Variants in CAST observed in about 807,000 individuals in gnomAD.
The protein encoded by CAST is MIR583 host.
Under a neutral mutation model 119.6 loss-of-function variants are expected in CAST, and 76 were observed. That is an observed-to-expected ratio of 0.64 (90% CI 0.53 to 0.77). The LOEUF (loss-of-function observed/expected upper bound fraction) is 0.77. Ranked by LOEUF, CAST falls within the 30% of genes least tolerant of loss-of-function variation. The pLI is 0.00. For missense variants in CAST, 953 were observed against 946.5 expected, an observed-to-expected ratio of 1.01 and a Z score of -0.09; for synonymous variants, 319 against 331.6, an observed-to-expected ratio of 0.96 and a Z score of 0.41.
At chr5:96,140,789 T>A in the CAST span, among the ~76,000 whole-genome samples, 1 of 152,332 alleles carries the variant, frequency 6.6e-6, no homozygotes, top group East Asian at 1.9e-4. Context: ...ACATAAGGCC[T>A]TTGTTACCTG....
chr5:96,176,994 T>C, the CAST span, among the ~76,000 whole-genome samples: 1 of 152,212 alleles, frequency 6.6e-6, no homozygotes, highest in Non-Finnish European at 1.5e-5. Context: ...AGAATTCAAA[T>C]AACTTTTCAT....
chr5:96,310,218 T>C, the CAST span, among the ~76,000 whole-genome samples: 1 of 152,236 alleles, frequency 6.6e-6, no homozygotes, highest in Non-Finnish European at 1.5e-5. Flanking sequence ...ATTCTGTTAA[T>C]GTAGTCTATC....
At chr5:96,034,456 A>G in the CAST span, among the ~76,000 whole-genome samples, 137 of 67,504 alleles carry the variant, frequency 2.0e-3, no homozygotes, top group African/African-American at 5.5e-3. Context: ...TACTGGGTAT[A>G]TATCATACAC....
intron 3 of CAST, among the ~76,000 whole-genome samples, chr5:96,696,701 T>TAAAAAAAAAAAAA (rs1561483071): frequency 1.0e-4 from 5 of 49,962 alleles, no homozygotes; most frequent in East Asian, 5.5e-4. Context: ...AAAAAAAAAT[T>TAAAAAAAAAAAAA]AAAAATTAGC....
At chr5:96,662,892 G>T (rs979712191) in intron 1 of CAST, 1 of 572,764 alleles carries the variant, frequency 1.7e-6, no homozygotes, top group Non-Finnish European at 3.1e-6. Flanking sequence ...GGGCGTGGCT[G>T]CCTGGAGACG....
chr5:96,629,343 T>C (rs530491456), intron 1 of CAST, among the ~76,000 whole-genome samples: 7 of 152,124 alleles, frequency 4.6e-5, no homozygotes, highest in South Asian at 2.1e-4. Context: ...TTCTGTTCTA[T>C]ATAAATTCCC....
the CAST span, among the ~76,000 whole-genome samples, chr5:96,240,200 T>C: frequency 9.9e-5 from 15 of 152,242 alleles, no homozygotes; most frequent in Admixed American, 2.6e-4. Context: ...AGATTACCTA[T>C]GCTTGATATC....
At chr5:96,392,470 G>A in the CAST span, 1 of 155,248 alleles carries the variant, frequency 6.4e-6, no homozygotes, top group Non-Finnish European at 1.4e-5. Flanking sequence ...CTACAGGAAT[G>A]AGTGGCACTT....
At chr5:96,738,857 C>T (rs1762157386) in intron 11 of CAST, among the ~76,000 whole-genome samples, 2 of 151,366 alleles carry the variant, frequency 1.3e-5, no homozygotes, top group Admixed American at 1.3e-4. Context: ...ACTGCTTGAA[C>T]CCGGGAGGCA....
chr5:96,124,354 A>C, the CAST span, among the ~76,000 whole-genome samples: 1 of 152,020 alleles, frequency 6.6e-6, no homozygotes, highest in South Asian at 2.1e-4. Context: ...ACCATGCCCA[A>C]CTCTAAGACA....
chr5:96,403,790 T>C, the CAST span, among the ~76,000 whole-genome samples: 1 of 152,224 alleles, frequency 6.6e-6, no homozygotes. Context: ...TTTTTCTAAC[T>C]TGGACTTTCT....
chr5:96,115,614 C>A, the CAST span, among the ~76,000 whole-genome samples: 2 of 152,194 alleles, frequency 1.3e-5, no homozygotes, highest in Non-Finnish European at 2.9e-5. Context: ...GACACTCACT[C>A]AATAAAGGCT....
chr5:96,245,742 G>T, the CAST span, among the ~76,000 whole-genome samples: 2 of 152,112 alleles, frequency 1.3e-5, no homozygotes, highest in Non-Finnish European at 2.9e-5. Flanking sequence ...CATTACTGAT[G>T]ATTAGTTTTA....
At chr5:96,662,862 C>T in intron 1 of CAST, 1 of 564,544 alleles carries the variant, frequency 1.8e-6, no homozygotes, top group South Asian at 2.2e-5. Context: ...TGTAGTCTTC[C>T]GCGCTAAGGC....
chr5:96,279,145 G>T, the CAST span, among the ~76,000 whole-genome samples: 1 of 152,126 alleles, frequency 6.6e-6, no homozygotes, highest in Non-Finnish European at 1.5e-5. Flanking sequence ...CCAGCCAAAT[G>T]AGGATCTCTG....
chr5:96,046,893 G>A, the CAST span, among the ~76,000 whole-genome samples: 3 of 152,062 alleles, frequency 2.0e-5, no homozygotes, highest in South Asian at 2.1e-4. Flanking sequence ...ATCAGATCTC[G>A]TGAAACTTAT....
the CAST span, among the ~76,000 whole-genome samples, chr5:96,143,810 C>T: frequency 6.6e-6 from 1 of 152,092 alleles, no homozygotes; most frequent in Non-Finnish European, 1.5e-5. Context: ...TAACCTAATG[C>T]ATTTATAGAG....
At chr5:96,351,618 A>G in the CAST span, among the ~76,000 whole-genome samples, 1 of 152,160 alleles carries the variant, frequency 6.6e-6, no homozygotes, top group African/African-American at 2.4e-5. Context: ...GTATATGTCT[A>G]CTGCACACCT....
chr5:96,629,080 T>C (rs1329847631), intron 1 of CAST, among the ~76,000 whole-genome samples: 1 of 151,844 alleles, frequency 6.6e-6, no homozygotes, highest in Non-Finnish European at 1.5e-5. Context: ...ATAAATGCCT[T>C]AAACCCGATA....
Sources: allele counts gnomAD v4.1 joint callset (sites outside exome capture counted in the v4.1 genomes callset), GRCh38; gene constraint gnomAD v4.1.1; transcripts MANE v1.5; gene names NCBI Gene and HGNC (gene_info 2026-07-23, HGNC 2026-07-21).